IL34: variants seen among roughly 807,000 people sequenced by gnomAD.
The protein encoded by IL34 is interleukin 34.
A neutral mutation model predicts 25.3 loss-of-function variants in IL34; 17 were observed. The observed-to-expected ratio is 0.67, with a 90% confidence interval of 0.46 to 1.01. The LOEUF (loss-of-function observed/expected upper bound fraction) is 1.01, where lower values mean the gene tolerates loss of function less well. Ranked by LOEUF, IL34 falls within the 50% of genes least tolerant of loss-of-function variation. The pLI is 0.00. For synonymous variants in IL34, 174 were observed against 140.9 expected (o/e 1.23, Z -1.66); for missense variants, 368 against 312.9 (o/e 1.18, Z -1.33).
chr16:70,596,455 C>T (rs906928151), intron 1 of IL34, among the ~76,000 whole-genome samples: 1 of 152,228 alleles, frequency 6.6e-6, no homozygotes, highest in African/African-American at 2.4e-5. Context: ...TGAGTTGCTG[C>T]AAAGCAGGCA....
intron 1 of IL34, among the ~76,000 whole-genome samples, chr16:70,630,799 C>T (rs941264973): frequency 2.0e-5 from 3 of 152,006 alleles, no homozygotes; most frequent in African/African-American, 4.8e-5. Context: ...CCTCAAACTC[C>T]TGGGTTCAAG....
intron 1 of IL34, among the ~76,000 whole-genome samples, chr16:70,649,299 C>T (rs7192723): frequency 0.3 from 45,705 of 152,132 alleles, 7,206 homozygotes; most frequent in South Asian, 0.46. Flanking sequence ...TTATACCCAC[C>T]TTTAATTGCA....
intron 1 of IL34, among the ~76,000 whole-genome samples, chr16:70,598,825 C>A (rs1411182244): frequency 6.6e-6 from 1 of 152,204 alleles, no homozygotes; most frequent in East Asian, 1.9e-4. Flanking sequence ...CGGATGCCTG[C>A]AGTCCAGGAG....
At chr16:70,607,972 T>C (rs2051032827) in intron 1 of IL34, among the ~76,000 whole-genome samples, 2 of 152,060 alleles carry the variant, frequency 1.3e-5, no homozygotes, top group Non-Finnish European at 2.9e-5. Flanking sequence ...TTTGCCATGT[T>C]GGCCAGGCTG....
At chr16:70,633,443 TC>T (rs1289366293) in intron 1 of IL34, among the ~76,000 whole-genome samples, 8 of 151,908 alleles carry the variant, frequency 5.3e-5, no homozygotes, top group African/African-American at 1.9e-4. Context: ...ATTATTTTTT[TC>T]TCTAGAGACG....
chr16:70,646,241 TA>T (rs1475297353), upstream of IL34, among the ~76,000 whole-genome samples: 2 of 152,134 alleles, frequency 1.3e-5, no homozygotes, highest in Non-Finnish European at 2.9e-5. Context: ...TCTGCTTTTT[TA>T]ACCTGTCCTT....
intron 1 of IL34, among the ~76,000 whole-genome samples, chr16:70,609,561 C>G (rs2051060736): frequency 6.6e-6 from 1 of 152,144 alleles, no homozygotes; most frequent in Non-Finnish European, 1.5e-5. Context: ...AAGTGCGTAC[C>G]AAGTGCATGG....
chr16:70,628,579 C>T (rs560209090), intron 1 of IL34, among the ~76,000 whole-genome samples: 16 of 151,266 alleles, frequency 1.1e-4, no homozygotes, highest in African/African-American at 2.9e-4. Context: ...CTCCGGCTCG[C>T]GGGTTCAAGC....
chr16:70,635,288 T>G (rs1265142735), intron 1 of IL34, among the ~76,000 whole-genome samples: 1 of 152,240 alleles, frequency 6.6e-6, no homozygotes, highest in Non-Finnish European at 1.5e-5. Flanking sequence ...CTTTGCTCCA[T>G]AGAGGGGATA....
chr16:70,599,319 T>TTCTTTCTTTCTC (rs756361808), intron 1 of IL34, among the ~76,000 whole-genome samples: 8,063 of 110,752 alleles, frequency 0.073, 306 homozygotes, highest in African/African-American at 0.09. Context: ...TTTCTTTCTT[T>TTCTTTCTTTCTC]TCTTTCTTTC....
At chr16:70,619,899 C>G (rs963856224) in intron 1 of IL34, among the ~76,000 whole-genome samples, 1 of 152,286 alleles carries the variant, frequency 6.6e-6, no homozygotes, top group East Asian at 1.9e-4. Flanking sequence ...CATTCCTTGG[C>G]CCAGTGGCCA....
intron 1 of IL34, among the ~76,000 whole-genome samples, chr16:70,605,171 CG>C (rs2050983920): frequency 6.6e-6 from 1 of 151,942 alleles, no homozygotes; most frequent in South Asian, 2.1e-4. Context: ...CAAAGGATCC[CG>C]AGAGCCTTGA....
At chr16:70,642,028 C>T (rs1274069742), upstream of IL34, among the ~76,000 whole-genome samples, 1 of 152,152 alleles carries the variant, frequency 6.6e-6, no homozygotes, top group Non-Finnish European at 1.5e-5. Context: ...CATGCTGTGT[C>T]TTAGTTTACC....
chr16:70,619,859 CG>C (rs1258801495), intron 1 of IL34, among the ~76,000 whole-genome samples: 2 of 152,116 alleles, frequency 1.3e-5, no homozygotes, highest in African/African-American at 4.8e-5. Flanking sequence ...ACAGATGGGA[CG>C]CGGCTTAGGA....
chr16:70,585,562 GT>G (rs936781616), intron 1 of IL34, among the ~76,000 whole-genome samples: 16 of 151,930 alleles, frequency 1.1e-4, no homozygotes, highest in African/African-American at 3.9e-4. Flanking sequence ...GTGCGCACCT[GT>G]AGTCCCAGCT....
In IL34 at chr16:70,635,869, T is replaced by C. The variant is rs555112299; in HGVS notation, c.-400-10679T>C. Among the ~76,000 whole-genome samples the C allele has an allele frequency of 4.6e-5, 7 of 152,178 alleles. No individual in the cohort carries two copies. In the South Asian group the frequency reaches 1.5e-3, roughly 32 times the overall value. ...GCTCATGTTCTAAGTTTTCTGTATATAGAAATCCAGTAAATCCTTACATAG... is the reference window on the plus strand; with the variant it reads ...GCTCATGTTCTAAGTTTTCTGTATACAGAAATCCAGTAAATCCTTACATAG... On this transcript the variant is annotated intron_variant, in intron 1 of 6. Transcript: ENST00000429149.
rs774540925 is a variant in IL34, at chr16:70,659,761, G to A, written c.538+8G>A. The A allele has an allele frequency of 8.0e-5, 127 of 1,588,838 alleles. No individual in the cohort carries two copies. The highest frequency in any genetic ancestry group is 1.0e-4 in the Non-Finnish European group (119 of 1,163,582). On this transcript the variant is annotated splice_region_variant and intron_variant, in intron 5 of 5. Transcript: ENST00000288098. ...TGCTGTACTGCTCCTGCTGTAAGGA[G>A]CTCTCAGGGGATGGCGCCTGGGGGT...
At chr16:70,600,537 C>G (rs2050899566) in intron 1 of IL34, among the ~76,000 whole-genome samples, 1 of 152,238 alleles carries the variant, frequency 6.6e-6, no homozygotes, top group African/African-American at 2.4e-5. Flanking sequence ...GGCTCTTAGT[C>G]TTACCACATT....
At chr16:70,618,556 C>T (rs550250377) in intron 1 of IL34, among the ~76,000 whole-genome samples, 9 of 152,256 alleles carry the variant, frequency 5.9e-5, no homozygotes, top group African/African-American at 1.2e-4. Flanking sequence ...ATTAATGCAG[C>T]GGCAGCCGCT....
Sources: allele counts gnomAD v4.1 joint callset (sites outside exome capture counted in the v4.1 genomes callset), GRCh38; gene constraint gnomAD v4.1.1; transcripts MANE v1.5; gene names NCBI Gene and HGNC (gene_info 2026-07-23, HGNC 2026-07-21).